Variants in IQSEC1 observed in about 807,000 individuals in gnomAD.
IQSEC1 encodes IQ motif and SEC7 domain-containing protein 1.
A neutral mutation model predicts 91.0 loss-of-function variants in IQSEC1; 31 were observed. That is an observed-to-expected ratio of 0.34 (90% CI 0.26 to 0.46). The LOEUF is 0.46. IQSEC1 is among the 20% of genes least tolerant of loss of function. IQSEC1 has a pLI of 1.00. For synonymous variants in IQSEC1, 699 were observed against 662.6 expected, an observed-to-expected ratio of 1.05 and a Z score of -0.84; for missense variants, 1,388 against 1,575.6, an observed-to-expected ratio of 0.88 and a Z score of 2.02.
intron 1 of IQSEC1, among the ~76,000 whole-genome samples, chr3:13,227,322 G>A (rs1694770301): frequency 7.4e-6 from 1 of 135,502 alleles, no homozygotes; most frequent in Non-Finnish European, 1.5e-5. Flanking sequence ...GATGCCGTGA[G>A]CCGAGATTGC....
intron 1 of IQSEC1, among the ~76,000 whole-genome samples, chr3:13,220,753 G>A (rs1282304763): frequency 6.6e-6 from 1 of 152,214 alleles, no homozygotes; most frequent in Non-Finnish European, 1.5e-5. Flanking sequence ...CAAGTGTGAA[G>A]GGCGATGCCG....
intron 1 of IQSEC1, among the ~76,000 whole-genome samples, chr3:13,070,116 G>A (rs1441210716): frequency 3.3e-5 from 5 of 152,166 alleles, no homozygotes; most frequent in Admixed American, 1.3e-4. Context: ...GGGGCCCGCC[G>A]GCAGGGCTCC....
At chr3:13,144,218 G>A (rs1349461075) in intron 2 of IQSEC1, among the ~76,000 whole-genome samples, 1 of 152,220 alleles carries the variant, frequency 6.6e-6, no homozygotes, top group Admixed American at 6.5e-5. Flanking sequence ...ACAAAACAGA[G>A]GCTCAGGACA....
At chr3:13,246,379 C>T (rs1695108478) in intron 1 of IQSEC1, among the ~76,000 whole-genome samples, 3 of 152,124 alleles carry the variant, frequency 2.0e-5, no homozygotes, top group African/African-American at 7.2e-5. Flanking sequence ...GTTGGTGTTT[C>T]ATGGGAACAG....
At chr3:13,253,787 G>T (rs1695240160) in intron 1 of IQSEC1, among the ~76,000 whole-genome samples, 1 of 152,168 alleles carries the variant, frequency 6.6e-6, no homozygotes, top group Non-Finnish European at 1.5e-5. Flanking sequence ...AAAGGCCACG[G>T]TTTTATCTGA....
chr3:13,189,682 C>T (rs907046639), intron 1 of IQSEC1, among the ~76,000 whole-genome samples: 11 of 152,002 alleles, frequency 7.2e-5, no homozygotes, highest in Non-Finnish European at 1.5e-5. Flanking sequence ...GATCACGAGG[C>T]TTGCCCAGCA....
At chr3:13,036,627 C>G (rs868051632) in intron 1 of IQSEC1, among the ~76,000 whole-genome samples, 46 of 152,236 alleles carry the variant, frequency 3.0e-4, no homozygotes, top group African/African-American at 1.1e-3. Context: ...CCCAGGGCAT[C>G]AGCGGTGTGG....
intron 9 of IQSEC1, among the ~76,000 whole-genome samples, chr3:12,912,658 G>A (rs1052753790): frequency 7.8e-4 from 99 of 127,028 alleles, no homozygotes; most frequent in East Asian, 3.0e-3. Context: ...GCGACAGAGC[G>A]AGACTCCGTC....
At chr3:12,987,535 A>G (rs1701801767) in intron 1 of IQSEC1, among the ~76,000 whole-genome samples, 1 of 152,264 alleles carries the variant, frequency 6.6e-6, no homozygotes, top group Admixed American at 6.5e-5. Flanking sequence ...TCATGATTAC[A>G]GGGTAGGAAT....
At chr3:12,901,565 A>T in intron 13 of IQSEC1, 43 bp from the exon 14 acceptor site, 1 of 1,474,550 alleles carries the variant, frequency 6.8e-7, no homozygotes, top group East Asian at 2.5e-5. Flanking sequence ...AAGATCTTCA[A>T]GCACTTAGGT....
chr3:13,247,582 TTC>T (rs1264891424), intron 1 of IQSEC1, among the ~76,000 whole-genome samples: 3 of 152,210 alleles, frequency 2.0e-5, no homozygotes, highest in African/African-American at 4.8e-5. Context: ...AAGCAGAAAT[TTC>T]TCTCTCATAA....
chr3:13,174,469 C>T (rs1211543573), intron 1 of IQSEC1, among the ~76,000 whole-genome samples: 1 of 152,156 alleles, frequency 6.6e-6, no homozygotes. Context: ...ACCCCCATGG[C>T]CTCCCCATCT....
At chr3:12,966,663 C>G (rs549580143) in intron 1 of IQSEC1, among the ~76,000 whole-genome samples, 1 of 152,174 alleles carries the variant, frequency 6.6e-6, no homozygotes, top group Non-Finnish European at 1.5e-5. Flanking sequence ...CCTGACCACA[C>G]CAGGTGCACA....
At chr3:13,202,053 G>C (rs1260146798) in intron 1 of IQSEC1, among the ~76,000 whole-genome samples, 1 of 152,234 alleles carries the variant, frequency 6.6e-6, no homozygotes, top group Non-Finnish European at 1.5e-5. Flanking sequence ...TCTTGCTTCA[G>C]TGATCAGACG....
At position 12,900,698 on chromosome 3, in the gene IQSEC1, C is replaced by G. The variant is rs921038868; in HGVS notation, c.*285G>C. 11 of 1,370,862 alleles carry G rather than the reference C, an allele frequency of 8.0e-6. No homozygotes were observed. The African/African-American group carries it at 8.8e-5, about 11-fold the overall frequency. The allele number at this position is 1,370,862 out of a possible 1,614,324, so 84.9% of individuals were successfully genotyped here. A position where few individuals can be genotyped will look rare whatever the true frequency, so the allele number is the denominator to read the frequency against. On this transcript the variant is annotated 3_prime_UTR_variant, in exon 14 of 14. Transcript: ENST00000613206. The stretch of plus-strand genomic sequence containing the variant: ...CTGGAGTGGGGGAGGCAGTTCAACA[C>G]TACTTGGCTGGCTCACCGTTTCAAG...
At position 12,913,551 on chromosome 3, in the gene IQSEC1, C is replaced by A; in HGVS notation, c.2193G>T (p.Val731=). Residue 731 remains valine, a splice_region_variant and synonymous_variant, in exon 9 of 14, where the codon GTG becomes GTT. Coordinates refer to ENST00000613206, the MANE Select transcript of IQSEC1 (RefSeq NM_001134382.3). ...CCAACCGACGGTGGGGCAGAGAGAG[C>A]ACCTGTGTGGGAAGAGGCTGTCCTG... ...IGSLHPGLGC[V]LSLPHRRLVC... is the part of the protein sequence containing the mutation. The A allele has an allele frequency of 6.2e-7, 1 of 1,602,114 alleles. No individual in the cohort carries two copies. The highest frequency in any genetic ancestry group is 1.1e-5 in the South Asian group (1 of 90,698).
chr3:12,906,013 C>T (rs188129729), intron 12 of IQSEC1, among the ~76,000 whole-genome samples: 21 of 152,332 alleles, frequency 1.4e-4, no homozygotes, highest in Admixed American at 6.5e-4. Context: ...GTGGGGCCGG[C>T]GCCAGCCCCC....
At chr3:12,984,882 T>A (rs976792476) in intron 1 of IQSEC1, among the ~76,000 whole-genome samples, 2 of 140,306 alleles carry the variant, frequency 1.4e-5, no homozygotes, top group Non-Finnish European at 3.0e-5. Context: ...TGGACTGCAG[T>A]GGCGCTATCC....
intron 1 of IQSEC1, among the ~76,000 whole-genome samples, chr3:13,067,006 G>T (rs182887788): frequency 6.6e-6 from 1 of 152,304 alleles, no homozygotes; most frequent in Admixed American, 6.5e-5. Flanking sequence ...CCTGTGTGTC[G>T]CAGCATAACC....
Sources: allele counts gnomAD v4.1 joint callset (sites outside exome capture counted in the v4.1 genomes callset), GRCh38; gene constraint gnomAD v4.1.1; transcripts MANE v1.5; gene names NCBI Gene and HGNC (gene_info 2026-07-23, HGNC 2026-07-21).